The following LRMDA variants were observed in gnomAD, a reference collection of about 807,000 sequenced individuals.
LRMDA encodes the protein leucine-rich melanocyte differentiation-associated protein.
LRMDA carries 18 observed loss-of-function variants against 29.8 expected under a neutral mutation model. That is an observed-to-expected ratio of 0.60 (90% confidence interval 0.42 to 0.90). The LOEUF (loss-of-function observed/expected upper bound fraction) is 0.90. LRMDA is among the 40% of genes least tolerant of loss of function. LRMDA has a pLI of 0.00. For missense variants in LRMDA, 273 were observed against 273.9 expected, an observed-to-expected ratio of 1.00 and a Z score of 0.02; for synonymous variants, 125 against 109.4, an observed-to-expected ratio of 1.14 and a Z score of -0.89.
intron 6 of LRMDA, among the ~76,000 whole-genome samples, chr10:76,435,783 C>T (rs1418055532): frequency 1.3e-5 from 2 of 152,082 alleles, no homozygotes; most frequent in African/African-American, 4.8e-5. Context: ...AGACATTATC[C>T]AGAAGCAAAA....
At position 76,092,229 on chromosome 10, in the gene LRMDA, C is replaced by T. The variant is rs1029977001; in HGVS notation, c.516+33446C>T. On this transcript the variant is annotated intron_variant, in intron 5 of 6. Coordinates refer to ENST00000611255, the MANE Select transcript of LRMDA (RefSeq NM_001305581.2). Reference sequence around the variant, plus strand: ...ATAGGACAAATTAGCTGAGGACTTTCGCACCCTGCAGGTAAGCTGGGGTGG... The same window carrying T: ...ATAGGACAAATTAGCTGAGGACTTTTGCACCCTGCAGGTAAGCTGGGGTGG... Among the ~76,000 whole-genome samples, 14 of 152,300 alleles carry T rather than the reference C, an allele frequency of 9.2e-5. No homozygotes were observed. The East Asian group carries it at 1.4e-3, about 15-fold the overall frequency.
chr10:76,534,310 G>C (rs1284338108), intron 6 of LRMDA, among the ~76,000 whole-genome samples: 1 of 152,194 alleles, frequency 6.6e-6, no homozygotes, highest in African/African-American at 2.4e-5. Flanking sequence ...TCACATGAGT[G>C]TGTCACACTC....
chr10:75,575,132 G>A (rs893575224), intron 2 of LRMDA, among the ~76,000 whole-genome samples: 13 of 152,158 alleles, frequency 8.5e-5, no homozygotes, highest in Admixed American at 1.3e-4. Context: ...ACCAAGGGAG[G>A]TGATGCTAAA....
intron 2 of LRMDA, among the ~76,000 whole-genome samples, chr10:75,440,457 C>T (rs919268569): frequency 1.3e-5 from 2 of 151,658 alleles, no homozygotes; most frequent in African/African-American, 4.9e-5. Context: ...GGGGTGAGGT[C>T]TAAGGTTCAG....
intron 2 of LRMDA, among the ~76,000 whole-genome samples, chr10:75,862,905 C>G (rs1461177983): frequency 1.3e-5 from 2 of 152,052 alleles, no homozygotes; most frequent in Non-Finnish European, 2.9e-5. Context: ...TGTGGGAGAA[C>G]CCAATGGAGT....
chr10:76,431,998 C>T (rs537841655), intron 6 of LRMDA, among the ~76,000 whole-genome samples: 4 of 152,270 alleles, frequency 2.6e-5, no homozygotes, highest in African/African-American at 9.6e-5. Context: ...CAATAAACCT[C>T]TTTATTTTGT....
intron 2 of LRMDA, among the ~76,000 whole-genome samples, chr10:75,651,212 C>T (rs1841595575): frequency 6.6e-6 from 1 of 152,168 alleles, no homozygotes; most frequent in African/African-American, 2.4e-5. Flanking sequence ...GGATATATCC[C>T]TAAGCACCAA....
chr10:76,157,000 A>G (rs1048800945), intron 5 of LRMDA, among the ~76,000 whole-genome samples: 1 of 152,152 alleles, frequency 6.6e-6, no homozygotes, highest in Non-Finnish European at 1.5e-5. Context: ...TGCTCAGTTA[A>G]TAATGTTTGT....
intron 6 of LRMDA, among the ~76,000 whole-genome samples, chr10:76,347,637 CA>C: frequency 6.6e-6 from 1 of 152,140 alleles, no homozygotes; most frequent in Non-Finnish European, 1.5e-5. Flanking sequence ...CCGAGTGCAG[CA>C]CTGGAAAAAT....
intron 2 of LRMDA, among the ~76,000 whole-genome samples, chr10:75,962,617 T>C (rs570811748): frequency 6.6e-6 from 1 of 152,340 alleles, no homozygotes; most frequent in East Asian, 1.9e-4. Context: ...TAGTAAATGA[T>C]CGCAGCCAAT....
At chr10:75,664,741 A>G (rs1473576556) in intron 2 of LRMDA, among the ~76,000 whole-genome samples, 1 of 152,248 alleles carries the variant, frequency 6.6e-6, no homozygotes, top group Non-Finnish European at 1.5e-5. Context: ...TGGCAGGATG[A>G]AAAAGATTGA....
chr10:76,364,997 A>G (rs1369804694), intron 6 of LRMDA, among the ~76,000 whole-genome samples: 2 of 149,856 alleles, frequency 1.3e-5, no homozygotes, highest in African/African-American at 4.9e-5. Flanking sequence ...ATAGTCTCCA[A>G]TCTCATCCAG....
intron 5 of LRMDA, among the ~76,000 whole-genome samples, chr10:76,192,716 T>A (rs902024071): frequency 6.6e-6 from 1 of 152,202 alleles, no homozygotes; most frequent in Non-Finnish European, 1.5e-5. Context: ...GGAAATTTTT[T>A]AGAAATCTTT....
intron 2 of LRMDA, among the ~76,000 whole-genome samples, chr10:75,796,208 G>A (rs552783941): frequency 1.1e-3 from 163 of 152,202 alleles, no homozygotes; most frequent in Middle Eastern, 3.4e-3. Flanking sequence ...CCTGGCCAGA[G>A]GTTCCAGTAC....
intron 6 of LRMDA, among the ~76,000 whole-genome samples, chr10:76,443,277 A>G (rs575497373): frequency 6.6e-6 from 1 of 152,320 alleles, no homozygotes; most frequent in South Asian, 2.1e-4. Context: ...TCTCTTGCAA[A>G]TGCTGTTTTC....
chr10:75,617,920 C>T (rs1294813601), intron 2 of LRMDA, among the ~76,000 whole-genome samples: 1 of 152,202 alleles, frequency 6.6e-6, no homozygotes, highest in Non-Finnish European at 1.5e-5. Flanking sequence ...GGCAAATCAA[C>T]CTCGCTAGGC....
At chr10:76,024,945 G>T (rs1848036336) in intron 2 of LRMDA, among the ~76,000 whole-genome samples, 1 of 152,264 alleles carries the variant, frequency 6.6e-6, no homozygotes, top group African/African-American at 2.4e-5. Context: ...TCTGCATTCC[G>T]CCCCATGGCG....
chr10:76,213,229 T>A (rs1355535516), intron 5 of LRMDA, among the ~76,000 whole-genome samples: 1 of 152,236 alleles, frequency 6.6e-6, no homozygotes, highest in Admixed American at 6.5e-5. Context: ...CAGTGTTCGT[T>A]ACTGGAGGCA....
chr10:75,593,125 TTAA>T (rs750732498), intron 2 of LRMDA, among the ~76,000 whole-genome samples: 3 of 152,222 alleles, frequency 2.0e-5, no homozygotes, highest in South Asian at 2.1e-4. Flanking sequence ...GGCAGCGATG[TTAA>T]TAAGTTAGCT....
Sources: gnomAD v4.1 joint callset for allele counts (sites outside exome capture counted in the v4.1 genomes callset) on GRCh38, gnomAD v4.1.1 for gene constraint, MANE v1.5 for transcripts, NCBI Gene and HGNC (gene_info 2026-07-23, HGNC 2026-07-21) for gene names.